Variants in CPAMD8 observed in about 807,000 individuals in gnomAD.
CPAMD8 encodes the protein C3 and PZP-like alpha-2-macroglobulin domain-containing protein 8.
In CPAMD8, 146 loss-of-function variants were observed where a neutral mutation model predicts 224.7. The ratio of observed to expected loss-of-function variants is 0.65; its 90% CI spans 0.57 to 0.75. CPAMD8 has a LOEUF of 0.75. CPAMD8 is among the 30% of genes least tolerant of loss of function. CPAMD8 has a pLI of 0.00. For missense variants in CPAMD8, 2,301 were observed against 2,537.5 expected, an observed-to-expected ratio of 0.91 and a Z score of 2.00; for synonymous variants, 966 against 1,044.6, an observed-to-expected ratio of 0.92 and a Z score of 1.45.
rs1599641964 is a variant in CPAMD8, at chr19:16,896,654, C to G, written c.5077G>C (p.Gly1693Arg). ...GGGGCCACGGCAGGGCCCGACTCGC[C>G]GGGGAACCAGCCTGGGGGACGAGGC... ...APARGPGWFP[G>R]ESGPAVAPEE... The change falls in exon 40 of 42, where the codon GGC becomes CGC. Residue 1693 changes from glycine (G) to arginine (R), a missense_variant. Coordinates refer to ENST00000443236, the MANE Select transcript of CPAMD8 (RefSeq NM_015692.5). 2.0e-5 allele frequency: 29 copies of G among 1,465,446 alleles called. No homozygotes were observed. The East Asian group carries it at 7.6e-4, about 38-fold the overall frequency. The allele number at this position is 1,465,446 out of a possible 1,614,324, so 90.8% of individuals were successfully genotyped here.
intron 18 of CPAMD8, among the ~76,000 whole-genome samples, chr19:16,960,267 T>C (rs1159411817): frequency 2.0e-5 from 3 of 152,068 alleles, no homozygotes; most frequent in African/African-American, 4.8e-5. Context: ...GCTCCTATCC[T>C]TTCAACCATC....
rs1260571030 is a variant in CPAMD8, at chr19:16,971,074, G to T, written c.2071-41C>A. The stretch of plus-strand genomic sequence containing the variant: ...CACCCAAACCATTGGTGGGGAAGTG[G>T]ATGCTGACAGCCCCCAGAAGCATAA... On this transcript the variant is annotated intron_variant, in intron 17 of 41. Transcript: ENST00000443236. 10 of 1,541,934 alleles carry T rather than the reference G, an allele frequency of 6.5e-6. No homozygotes were observed. The African/African-American group carries it at 1.2e-4, about 19-fold the overall frequency.
intron 17 of CPAMD8, among the ~76,000 whole-genome samples, chr19:16,973,428 T>A (rs1460736495): frequency 6.6e-6 from 1 of 151,774 alleles, no homozygotes; most frequent in Admixed American, 6.6e-5. Context: ...GTGATCACTG[T>A]AACCTCCGCC....
At chr19:16,984,383 T>TA (rs1230829597) in intron 13 of CPAMD8, among the ~76,000 whole-genome samples, 13 of 143,186 alleles carry the variant, frequency 9.1e-5, no homozygotes, top group Admixed American at 4.1e-4. Context: ...TCACACCATA[T>TA]AAAAAAATTA....
chr19:16,895,878 C>G, intron 41 of CPAMD8: 1 of 547,576 alleles, frequency 1.8e-6, no homozygotes, highest in Non-Finnish European at 3.5e-6. Context: ...GGATCCTTGA[C>G]CCGTATGCGC....
intron 39 of CPAMD8, 147 bp from the exon 40 acceptor site, chr19:16,896,812 T>C (rs925199497): frequency 8.5e-6 from 4 of 469,814 alleles, no homozygotes; most frequent in East Asian, 7.1e-5. Flanking sequence ...TGGGAGGTCC[T>C]GAGCCCTGGC....
intron 24 of CPAMD8, 94 bp downstream of exon 24, chr19:16,928,848 G>A (rs2053456942): frequency 3.9e-6 from 4 of 1,026,834 alleles, no homozygotes; most frequent in Non-Finnish European, 4.2e-6. Context: ...TGCTCCTCCT[G>A]ACCCTGGATC....
Position 16,928,134 on chromosome 19 carries a change from C to G in CPAMD8, c.3245G>C (p.Gly1082Ala). The change falls in exon 25 of 42, where the codon GGC (glycine) becomes GCC (alanine). Residue 1082 changes from glycine to alanine, a missense_variant. Gly to Ala is a moderately conservative substitution (Grantham distance 60). Coordinates refer to ENST00000443236, the MANE Select transcript of CPAMD8 (RefSeq NM_015692.5). ...CCAGATTCGGAATTCACCCATGGAG[C>G]CCCAGCCGGTGGAAAAGCCAATGAA... ...VQFIGFSTGW[G>A]SMGEFRIWRK... is the part of the protein sequence containing the mutation. The G allele has an allele frequency of 6.2e-7, 1 of 1,614,132 alleles. No homozygotes were observed. Among genetic ancestry groups the G allele is most frequent in the Non-Finnish European group, 8.5e-7 (1 of 1,180,028 alleles).
intron 5 of CPAMD8, among the ~76,000 whole-genome samples, chr19:17,009,823 C>G (rs913372381): frequency 6.6e-5 from 10 of 151,970 alleles, no homozygotes; most frequent in African/African-American, 2.4e-4. Context: ...ACTTGAACCA[C>G]TGGACCCTGT....
chr19:16,990,861 C>T (rs71338604), intron 12 of CPAMD8, among the ~76,000 whole-genome samples: 3 of 36,860 alleles, frequency 8.1e-5, no homozygotes, highest in African/African-American at 1.1e-4. Context: ...AAAACTCTGT[C>T]TCAAAAAAAA....
chr19:16,906,902 C>T (rs752723732), intron 30 of CPAMD8, 50 bp downstream of exon 30: 149 of 1,522,454 alleles, frequency 9.8e-5, no homozygotes, highest in South Asian at 6.1e-4. Flanking sequence ...CCAGACTCCA[C>T]AGTGGGCTTC....
chr19:17,009,021 G>A (rs1307422402), intron 6 of CPAMD8, among the ~76,000 whole-genome samples: 12 of 151,910 alleles, frequency 7.9e-5, no homozygotes, highest in South Asian at 6.2e-4. Flanking sequence ...GCTTGAACCC[G>A]GGAGGCAGAG....
At position 16,929,154 on chromosome 19, in the gene CPAMD8, G is replaced by A. The variant is rs376136046; in HGVS notation, c.2932C>T (p.Arg978Ter). 9.9e-6 allele frequency: 16 copies of A among 1,613,858 alleles called. No homozygotes were observed. The highest frequency in any genetic ancestry group is 4.0e-5 in the African/African-American group (3 of 74,928). ...LRLTRFDVAV[R>*]AHNDARVALS... Reference sequence around the variant, plus strand: ...GCCACACGGGCATCATTGTGAGCTCGCACAGCCACATCAAAGCGGGTGAGG... The same window carrying A: ...GCCACACGGGCATCATTGTGAGCTCACACAGCCACATCAAAGCGGGTGAGG... The change falls in exon 24 of 42, where the codon CGA (arginine) becomes TGA (stop). Residue 978 changes from arginine (R) to a stop codon, truncating the protein, a stop_gained. Coordinates refer to ENST00000443236, the MANE Select transcript of CPAMD8 (RefSeq NM_015692.5). LOFTEE classifies it high-confidence loss of function.
rs1019552484 is a variant in CPAMD8, at chr19:16,906,887, G to A, written c.4027+65C>T. 18 of 1,446,512 alleles carry A rather than the reference G, an allele frequency of 1.2e-5. No individual in the cohort carries two copies. The Admixed American group carries it at 2.8e-4, about 22-fold the overall frequency. 89.6% of individuals were successfully genotyped at this position (1,446,512 alleles called of 1,614,324 possible). A position where few individuals can be genotyped will look rare whatever the true frequency, so the allele number is the denominator to read the frequency against. On this transcript the variant is annotated intron_variant, in intron 30 of 41. Transcript: ENST00000443236. ...GTTGTGATAAATATGTTCATGAGTT[G>A]TTTACCAGACTCCACAGTGGGCTTC...
intron 34 of CPAMD8, 29 bp downstream of exon 34, chr19:16,903,532 A>G (rs771031766): frequency 1.2e-6 from 2 of 1,613,718 alleles, no homozygotes; most frequent in Non-Finnish European, 1.7e-6. Context: ...GACAAGCCCA[A>G]GATCACCTCG....
chr19:17,022,293 C>T (rs2056981013), intron 1 of CPAMD8, 112 bp from the exon 2 acceptor site: 1 of 1,234,632 alleles, frequency 8.1e-7, no homozygotes. Flanking sequence ...TTGCTGACCA[C>T]ACCTGGCTGG....
intron 14 of CPAMD8, 97 bp from the exon 15 acceptor site, chr19:16,977,637 C>A (rs2055330546): frequency 3.5e-6 from 3 of 857,770 alleles, no homozygotes; most frequent in Non-Finnish European, 5.3e-6. Context: ...CTGCGCTATG[C>A]TCCTGTCTAC....
At position 16,893,308 on chromosome 19, in the gene CPAMD8, T is replaced by C. The variant is rs558004630; in HGVS notation, c.5458A>G (p.Ser1820Gly). ...VTAGPRPPVS[S>G]GNLESSTQSA... is the part of the protein sequence containing the mutation. ...TGGGTGCTGCTTTCCAGGTTCCCGC[T>C]GCTCACAGGAGGCCGAGGCCCGGCT... is the stretch of plus-strand genomic sequence containing the variant. The change falls in exon 42 of 42, where the codon AGC becomes GGC. Residue 1820 changes from serine to glycine, a missense_variant. Around this residue, in one of 4 missense-constraint regions of CPAMD8, gnomAD observed 1,709 missense variants for 1,753.2 expected, o/e 0.97. Transcript: ENST00000443236. 7.8e-6 allele frequency: 12 copies of C among 1,546,952 alleles called. No homozygotes were observed. The African/African-American group carries it at 1.5e-4, about 19-fold the overall frequency.
Position 17,008,570 on chromosome 19 carries a change from T to A in CPAMD8, c.505-11A>T. 1 of 1,613,898 alleles carries A rather than the reference T, an allele frequency of 6.2e-7. No homozygotes were observed. The highest frequency in any genetic ancestry group is 8.5e-7 in the Non-Finnish European group (1 of 1,179,970). The stretch of plus-strand genomic sequence containing the variant: ...AGAGCCTCGGGGGTCCTGTTGGTGG[T>A]GGAGGGGGACAGACACACGGAGTGA... On this transcript the variant is annotated splice_polypyrimidine_tract_variant and intron_variant, in intron 6 of 41. Transcript: ENST00000443236.
Sources: allele counts gnomAD v4.1 joint callset (sites outside exome capture counted in the v4.1 genomes callset), GRCh38; gene constraint gnomAD v4.1.1; regional missense constraint gnomAD v4.1.1; transcripts MANE v1.5; gene names NCBI Gene and HGNC (gene_info 2026-07-23, HGNC 2026-07-21).